The following RARB variants were observed in gnomAD, a reference collection of about 807,000 sequenced individuals.
RARB encodes the protein HBV-activated protein.
Under a neutral mutation model 51.9 loss-of-function variants are expected in RARB, and 17 were observed. The ratio of observed to expected loss-of-function variants is 0.33; its 90% CI spans 0.22 to 0.49. The LOEUF (loss-of-function observed/expected upper bound fraction) is 0.49, where lower values mean the gene tolerates loss of function less well. RARB is among the 20% of genes least tolerant of loss of function. The pLI is 0.99. For synonymous variants in RARB, 215 were observed against 195.4 expected (o/e 1.10, Z -0.84); for missense variants, 369 against 550.8 (o/e 0.67, Z 3.30).
At chr3:25,107,326 A>T (rs186847412) in intron 3 of RARB, among the ~76,000 whole-genome samples, 1 of 152,180 alleles carries the variant, frequency 6.6e-6, no homozygotes, top group East Asian at 1.9e-4. Context: ...ACTACAGAAC[A>T]TCTAGACTCA....
At chr3:25,104,487 A>G (rs573045306) in intron 3 of RARB, among the ~76,000 whole-genome samples, 14 of 152,214 alleles carry the variant, frequency 9.2e-5, no homozygotes, top group African/African-American at 2.9e-4. Context: ...TACTGAAAAT[A>G]TAAAAATTTA....
chr3:25,195,334 A>G (rs1008070383), intron 5 of RARB, among the ~76,000 whole-genome samples: 1 of 152,168 alleles, frequency 6.6e-6, no homozygotes, highest in East Asian at 1.9e-4. Context: ...AACAGTTTGC[A>G]GAAAGTTTCG....
At chr3:25,071,444 A>T (rs1698763784) in intron 3 of RARB, among the ~76,000 whole-genome samples, 1 of 152,084 alleles carries the variant, frequency 6.6e-6, no homozygotes, top group Admixed American at 6.6e-5. Context: ...CCAAACTAAC[A>T]CTCAATAATC....
intron 2 of RARB, among the ~76,000 whole-genome samples, chr3:24,989,953 C>T (rs1176080799): frequency 1.1e-5 from 1 of 95,074 alleles, no homozygotes; most frequent in Non-Finnish European, 2.1e-5. Context: ...GCGCCCGCCA[C>T]CGCGCCCGGC....
intron 2 of RARB, among the ~76,000 whole-genome samples, chr3:24,901,465 T>C (rs945793380): frequency 2.0e-5 from 3 of 152,190 alleles, no homozygotes; most frequent in Non-Finnish European, 4.4e-5. Flanking sequence ...GGCCTGGAAT[T>C]CCTAGCCTCA....
intron 4 of RARB, among the ~76,000 whole-genome samples, chr3:25,160,106 C>T (rs948996705): frequency 3.3e-5 from 5 of 152,172 alleles, no homozygotes; most frequent in Non-Finnish European, 7.4e-5. Flanking sequence ...GTCATTCTTT[C>T]CTGTAACTGT....
At chr3:25,330,299 G>T (rs1704853293) in intron 5 of RARB, among the ~76,000 whole-genome samples, 1 of 152,196 alleles carries the variant, frequency 6.6e-6, no homozygotes, top group Non-Finnish European at 1.5e-5. Context: ...AAGCCCATCA[G>T]ACTAACAGCG....
intron 2 of RARB, among the ~76,000 whole-genome samples, chr3:25,479,462 T>C (rs1435036195): frequency 6.6e-6 from 1 of 152,242 alleles, no homozygotes; most frequent in Non-Finnish European, 1.5e-5. Flanking sequence ...CCCCAAAAGC[T>C]ATTTATTAAT....
chr3:25,468,555 TA>T (rs59512048), intron 2 of RARB, among the ~76,000 whole-genome samples: 74,164 of 150,904 alleles, frequency 0.49, 18,657 homozygotes, highest in Middle Eastern at 0.58. Flanking sequence ...CTTTTCCTGT[TA>T]AAAAAAACAC....
In RARB at chr3:25,501,308, G is replaced by A. The variant is rs1290944309; in HGVS notation, c.433G>A (p.Gly145Arg). ...TCGACTCCAGAAGTGCTTTGAAGTG[G>A]GAATGTCCAAAGAATGTAAGTGGAG... ...YCRLQKCFEVGMSKESVRNDR... is the reference protein window; with the variant it reads ...YCRLQKCFEVRMSKESVRNDR... The change falls in exon 3 of 8, where the codon GGA becomes AGA. Residue 145 changes from glycine (G) to arginine (R), a missense_variant. Gly to Arg is a moderately radical substitution (Grantham distance 125). This residue lies in a region of RARB where 9 missense variants were observed against 33.1 expected (regional missense o/e 0.27). Coordinates refer to ENST00000330688, the MANE Select transcript of RARB (RefSeq NM_000965.5). The A allele has an allele frequency of 6.2e-7, 1 of 1,608,102 alleles. No homozygotes were observed. Among genetic ancestry groups the A allele is most frequent in the African/African-American group, 1.3e-5 (1 of 74,476 alleles).
chr3:25,088,923 C>T (rs1284493957), intron 3 of RARB, among the ~76,000 whole-genome samples: 4 of 151,954 alleles, frequency 2.6e-5, no homozygotes, highest in African/African-American at 9.7e-5. Flanking sequence ...TTTTTGGCAG[C>T]TTTATCACAA....
intron 5 of RARB, among the ~76,000 whole-genome samples, chr3:25,238,786 C>T (rs118014198): frequency 0.03 from 4,511 of 152,192 alleles, 95 homozygotes; most frequent in East Asian, 0.042. Flanking sequence ...CAAGACCAGC[C>T]TGGCCAACAC....
chr3:25,145,999 A>G (rs1700182660), intron 4 of RARB, among the ~76,000 whole-genome samples: 1 of 137,998 alleles, frequency 7.2e-6, no homozygotes, highest in African/African-American at 2.8e-5. Context: ...GTAAAACTTC[A>G]TCTAAAAAAA....
intron 4 of RARB, among the ~76,000 whole-genome samples, chr3:25,147,400 C>A (rs1213578171): frequency 1.3e-5 from 2 of 152,078 alleles, no homozygotes; most frequent in Non-Finnish European, 2.9e-5. Context: ...CTCTGGGGTG[C>A]CCTATACTGC....
chr3:25,077,155 T>C (rs2125311195), intron 3 of RARB, among the ~76,000 whole-genome samples: 1 of 151,670 alleles, frequency 6.6e-6, no homozygotes, highest in South Asian at 2.1e-4. Context: ...AAATAGCATG[T>C]TTTCCTGTTT....
intron 5 of RARB, among the ~76,000 whole-genome samples, chr3:25,409,977 A>C (rs1465318845): frequency 1.1e-4 from 16 of 152,198 alleles, no homozygotes; most frequent in Admixed American, 1.0e-3. Flanking sequence ...TGTGTGCATC[A>C]GTTTCTCATT....
intron 5 of RARB, among the ~76,000 whole-genome samples, chr3:25,244,535 G>T (rs1367564558): frequency 1.3e-5 from 2 of 152,104 alleles, no homozygotes; most frequent in Admixed American, 6.6e-5. Context: ...TGGTTTCAAA[G>T]AACTTATTTA....
chr3:25,308,076 G>A (rs866927840), intron 5 of RARB, among the ~76,000 whole-genome samples: 5 of 152,182 alleles, frequency 3.3e-5, no homozygotes, highest in Non-Finnish European at 7.3e-5. Flanking sequence ...TGGTGCCCAT[G>A]AGTAGGTACA....
chr3:25,496,724 A>G (rs1255721629), intron 2 of RARB, among the ~76,000 whole-genome samples: 1 of 152,234 alleles, frequency 6.6e-6, no homozygotes, highest in Admixed American at 6.5e-5. Context: ...GGAAGCATCC[A>G]TGTATGCTTA....
Sources: gnomAD v4.1 joint callset for allele counts (sites outside exome capture counted in the v4.1 genomes callset) on GRCh38, gnomAD v4.1.1 for gene constraint, gnomAD v4.1.1 regional missense constraint, MANE v1.5 for transcripts, NCBI Gene and HGNC (gene_info 2026-07-23, HGNC 2026-07-21) for gene names.